Variants in L3MBTL4 observed in about 807,000 individuals in gnomAD.
L3MBTL4 encodes the protein lethal(3)malignant brain tumor-like protein 4.
L3MBTL4 carries 70 observed loss-of-function variants against 84.5 expected under a neutral mutation model. That is an observed-to-expected ratio of 0.83 (90% CI 0.68 to 1.01). The LOEUF is 1.01. Among genes scored for constraint, L3MBTL4 ranks in the 50% least tolerant of loss-of-function variants. The pLI, the probability that L3MBTL4 is intolerant of heterozygous loss-of-function variation, is 0.00. For missense variants in L3MBTL4, 715 were observed against 754.8 expected, an observed-to-expected ratio of 0.95 and a Z score of 0.62; for synonymous variants, 274 against 259.8, an observed-to-expected ratio of 1.05 and a Z score of -0.52.
At chr18:6,136,918 T>G (rs567516430) in intron 14 of L3MBTL4, among the ~76,000 whole-genome samples, 10 of 152,338 alleles carry the variant, frequency 6.6e-5, no homozygotes, top group African/African-American at 2.2e-4. Context: ...TGCCAATGTA[T>G]AAAAACCCCA....
chr18:6,332,854 A>G (rs1047253550), intron 1 of L3MBTL4, among the ~76,000 whole-genome samples: 4 of 152,234 alleles, frequency 2.6e-5, no homozygotes, highest in Admixed American at 1.3e-4. Context: ...ACTAATAAAA[A>G]TGTTGAAAGC....
upstream of L3MBTL4, chr18:6,414,958 C>A (rs1213164712): frequency 2.0e-5 from 3 of 150,686 alleles, no homozygotes; most frequent in African/African-American, 4.8e-5. This position sits in a 1 kb window ranked among gnomAD's most constrained non-coding sequence, Gnocchi z 5.4. Context: ...GGCGCGGGAG[C>A]CGCCCCCTGC....
At chr18:5,974,345 G>GC (rs1280056266) in intron 16 of L3MBTL4, among the ~76,000 whole-genome samples, 1 of 152,180 alleles carries the variant, frequency 6.6e-6, no homozygotes, top group East Asian at 1.9e-4. Context: ...GGAAGACTTG[G>GC]CCATGGATCT....
intron 1 of L3MBTL4, among the ~76,000 whole-genome samples, chr18:6,322,460 A>T (rs1056887151): frequency 3.7e-5 from 4 of 108,118 alleles, no homozygotes; most frequent in Admixed American, 2.8e-4. Context: ...GAAGGATGGA[A>T]GGAAGGAAGG....
chr18:6,323,261 A>C (rs948494352), intron 1 of L3MBTL4, among the ~76,000 whole-genome samples: 2 of 152,180 alleles, frequency 1.3e-5, no homozygotes, highest in Non-Finnish European at 2.9e-5. Flanking sequence ...AATTCATACC[A>C]AGGAGTGGAG....
intron 10 of L3MBTL4, 143 bp from the exon 11 acceptor site, chr18:6,215,978 T>C (rs1189335347): frequency 2.0e-6 from 1 of 508,114 alleles, no homozygotes; most frequent in Non-Finnish European, 3.4e-6. Context: ...ACTTCAGATA[T>C]ATTAATTCAC....
chr18:6,316,825 T>C (rs995226254), intron 1 of L3MBTL4, among the ~76,000 whole-genome samples: 15 of 152,100 alleles, frequency 9.9e-5, no homozygotes, highest in Non-Finnish European at 2.2e-4. Context: ...GAGACCTCAG[T>C]GTTTTTCACT....
intron 12 of L3MBTL4, among the ~76,000 whole-genome samples, chr18:6,189,609 CATTA>C (rs1201104604): frequency 1.3e-5 from 2 of 151,946 alleles, no homozygotes; most frequent in African/African-American, 2.4e-5. Flanking sequence ...CAAAAAAGAA[CATTA>C]ATTACTATAA....
Position 6,239,778 on chromosome 18 carries a change from T to A in L3MBTL4, c.647A>T (p.Asp216Val). Reference sequence around the variant, plus strand: ...CACTAGTAAGCGATCTTCAACAATATCTGCTATGGTCGCCACACACACCAA... The same window carrying A: ...CACTAGTAAGCGATCTTCAACAATAACTGCTATGGTCGCCACACACACCAA... Reference protein sequence around the residue: ...PSLVCVATIADIVEDRLLVHF... With the variant: ...PSLVCVATIAVIVEDRLLVHF... The change falls in exon 9 of 19, where the codon GAT becomes GTT. Residue 216 changes from aspartate (D) to valine (V), a missense_variant. Physicochemically the swap from Asp to Val is radical, Grantham distance 152 (BLOSUM62 -3). Coordinates refer to ENST00000317931, the MANE Select transcript of L3MBTL4 (RefSeq NM_001330559.2). 1 of 1,614,160 alleles carries A rather than the reference T, an allele frequency of 6.2e-7. No homozygotes were observed. Among genetic ancestry groups the A allele is most frequent in the Non-Finnish European group, 8.5e-7 (1 of 1,180,008 alleles).
At chr18:6,224,809 AC>A in intron 10 of L3MBTL4, among the ~76,000 whole-genome samples, 1 of 152,272 alleles carries the variant, frequency 6.6e-6, no homozygotes, top group South Asian at 2.1e-4. Context: ...CCATCAGGGC[AC>A]CCAGAGATTT....
intron 18 of L3MBTL4, among the ~76,000 whole-genome samples, chr18:5,958,153 AGAAGAACAAGAAGAAGAAGAAGAC>A (rs2095243444): frequency 3.0e-5 from 2 of 66,032 alleles, no homozygotes; most frequent in South Asian, 5.1e-4. Flanking sequence ...AAGAAGAAGA[AGAAGAACAAGAAGAAGAAGAAGAC>A]GACGAAGAAG....
At chr18:6,209,331 T>C (rs567707614) in intron 12 of L3MBTL4, among the ~76,000 whole-genome samples, 2 of 151,832 alleles carry the variant, frequency 1.3e-5, no homozygotes, top group Non-Finnish European at 2.9e-5. Flanking sequence ...TTACAAACAC[T>C]GGGCAAGGTA....
At chr18:6,349,259 C>G (rs1437258289) in intron 1 of L3MBTL4, among the ~76,000 whole-genome samples, 3 of 152,190 alleles carry the variant, frequency 2.0e-5, no homozygotes, top group African/African-American at 7.2e-5. Flanking sequence ...CAGCATCATT[C>G]TTAATATTCC....
At chr18:6,090,599 CACACACA>C (rs1268342455) in intron 15 of L3MBTL4, among the ~76,000 whole-genome samples, 29,520 of 135,184 alleles carry the variant, frequency 0.22, 3,020 homozygotes, top group African/African-American at 0.33. Context: ...TATATACACA[CACACACA>C]CACACACACA....
chr18:5,968,742 A>G (rs2052482274), intron 17 of L3MBTL4, among the ~76,000 whole-genome samples: 1 of 149,274 alleles, frequency 6.7e-6, no homozygotes, highest in African/African-American at 2.5e-5. Flanking sequence ...AAAATAAAAT[A>G]AAATGTAAAA....
Position 6,096,103 on chromosome 18 carries a change from T to C in L3MBTL4, c.1200-2575A>G, listed in dbSNP as rs562053742. Among the ~76,000 whole-genome samples the C allele has an allele frequency of 4.7e-4, 71 of 152,170 alleles. 1 individual carries two copies. The highest frequency in any genetic ancestry group is 6.8e-3 in the Middle Eastern group (2 of 294). On this transcript the variant is annotated intron_variant, in intron 14 of 18. Transcript: ENST00000317931. ...TTTTGTAATTTCGTGTCACTACCCC[T>C]ATGTGGTTCATGCTACATGGCACTA...
At chr18:6,004,022 A>G (rs969525449) in intron 16 of L3MBTL4, among the ~76,000 whole-genome samples, 1 of 152,096 alleles carries the variant, frequency 6.6e-6, no homozygotes, top group African/African-American at 2.4e-5. Context: ...AGAATTAAAG[A>G]TTATAGTGGA....
chr18:6,093,576 A>G (rs1475210557), intron 14 of L3MBTL4, 48 bp from the exon 15 acceptor site: 1 of 1,485,280 alleles, frequency 6.7e-7, no homozygotes, highest in African/African-American at 1.4e-5. Context: ...ACAGTGATAA[A>G]TCAGGGATCC....
intron 1 of L3MBTL4, among the ~76,000 whole-genome samples, chr18:6,351,660 T>A (rs924449804): frequency 6.6e-6 from 1 of 152,040 alleles, no homozygotes; most frequent in African/African-American, 2.4e-5. Flanking sequence ...CACGCCATTC[T>A]CCTGCCTCAG....
Sources: allele counts gnomAD v4.1 joint callset (sites outside exome capture counted in the v4.1 genomes callset), GRCh38; gene constraint gnomAD v4.1.1; non-coding constraint Gnocchi (gnomAD v3.1); transcripts MANE v1.5; gene names NCBI Gene and HGNC (gene_info 2026-07-23, HGNC 2026-07-21).